Variants in GRIA3 observed in about 807,000 individuals in gnomAD.
GRIA3 encodes the protein glutamate ionotropic receptor AMPA type subunit 3.
A neutral mutation model predicts 63.0 loss-of-function variants in GRIA3; 3 were observed. The observed-to-expected ratio is 0.05, with a 90% CI of 0.02 to 0.12. The LOEUF is 0.12. Ranked by LOEUF, GRIA3 falls within the 10% of genes least tolerant of loss-of-function variation. The probability of loss-of-function intolerance (pLI) is 1.00; values close to 1 mark genes in which losing one functional copy is unlikely to be tolerated. For synonymous variants in GRIA3, 274 were observed against 257.9 expected, an observed-to-expected ratio of 1.06 and a Z score of -0.60; for missense variants, 347 against 700.9, an observed-to-expected ratio of 0.50 and a Z score of 5.70.
At chrX:123,270,292 G>A (rs921473680) in intron 3 of GRIA3, among the ~76,000 whole-genome samples, 13 of 112,350 alleles carry the variant, frequency 1.2e-4, no homozygotes, top group Non-Finnish European at 2.4e-4. Flanking sequence ...TCCACTAGGA[G>A]GGCTATGAAG....
At chrX:123,339,844 C>T (rs1341739182) in intron 4 of GRIA3, among the ~76,000 whole-genome samples, 1 of 112,412 alleles carries the variant, frequency 8.9e-6, no homozygotes, top group East Asian at 2.8e-4. Flanking sequence ...CTGGCCAGAA[C>T]ACAACTTGAC....
intron 13 of GRIA3, among the ~76,000 whole-genome samples, chrX:123,473,792 T>A (rs1438617417): frequency 8.9e-6 from 1 of 112,002 alleles, no homozygotes; most frequent in Non-Finnish European, 1.9e-5. Flanking sequence ...GTCATCCAGA[T>A]AATGTGTTAT....
At chrX:123,437,818 T>C (rs768429961) in intron 12 of GRIA3, among the ~76,000 whole-genome samples, 2 of 111,900 alleles carry the variant, frequency 1.8e-5, no homozygotes, top group Admixed American at 1.9e-4. Flanking sequence ...ATACTAGGAC[T>C]GGTTAAGAAA....
chrX:123,185,198 CG>C (rs1187753079), intron 1 of GRIA3, among the ~76,000 whole-genome samples: 3 of 111,232 alleles, frequency 2.7e-5, no homozygotes, highest in Admixed American at 9.4e-5. Flanking sequence ...GGGTAGGAGG[CG>C]GGGGTGAGAC....
intron 3 of GRIA3, among the ~76,000 whole-genome samples, chrX:123,307,837 C>A (rs186465149): frequency 2.7e-5 from 3 of 111,391 alleles, no homozygotes; most frequent in Non-Finnish European, 5.7e-5. Context: ...GGAAAGGCAA[C>A]GGACAACAGG....
chrX:123,471,961 T>A (rs1245620310), intron 13 of GRIA3, among the ~76,000 whole-genome samples: 1 of 74,710 alleles, frequency 1.3e-5, no homozygotes, highest in African/African-American at 4.9e-5. Context: ...CAAATGTTTT[T>A]CAAAATATAT....
At chrX:123,433,467 T>C (rs765127365) in intron 12 of GRIA3, among the ~76,000 whole-genome samples, 1 of 111,910 alleles carries the variant, frequency 8.9e-6, no homozygotes, top group East Asian at 2.8e-4. Context: ...TAAGAACACA[T>C]TGATATACAA....
chrX:123,409,256 A>T (rs1000818373), intron 10 of GRIA3, among the ~76,000 whole-genome samples: 1 of 112,357 alleles, frequency 8.9e-6, no homozygotes, highest in Non-Finnish European at 1.9e-5. Flanking sequence ...CAGAGTGGAA[A>T]GAATGAAAAA....
intron 3 of GRIA3, among the ~76,000 whole-genome samples, chrX:123,291,858 C>G (rs952865007): frequency 9.0e-6 from 1 of 110,709 alleles, no homozygotes. Flanking sequence ...ATTGGGTAGG[C>G]AACAAACGAT....
At chrX:123,433,771 G>A (rs1453935201) in intron 12 of GRIA3, among the ~76,000 whole-genome samples, 2 of 112,099 alleles carry the variant, frequency 1.8e-5, no homozygotes, top group Admixed American at 1.9e-4. Context: ...ACTTTATTAG[G>A]AGACCACTAA....
chrX:123,196,731 C>T (rs1449745488), intron 2 of GRIA3, among the ~76,000 whole-genome samples: 1 of 112,199 alleles, frequency 8.9e-6, no homozygotes, highest in Non-Finnish European at 1.9e-5. Flanking sequence ...AGCCAATCCA[C>T]ATATGTTGTA....
At chrX:123,190,640 T>C (rs1471305696) in intron 2 of GRIA3, among the ~76,000 whole-genome samples, 1 of 111,624 alleles carries the variant, frequency 9.0e-6, no homozygotes, top group African/African-American at 3.3e-5. Flanking sequence ...AAGGGAATTA[T>C]TTTGTTCTCC....
chrX:123,486,049 G>A (rs1346784572), intron 15 of GRIA3, among the ~76,000 whole-genome samples: 1 of 105,274 alleles, frequency 9.5e-6, no homozygotes, highest in African/African-American at 3.5e-5. Context: ...GATACAGGAA[G>A]AAAGAGGAAG....
At chrX:123,342,714 C>T (rs1293170987) in intron 4 of GRIA3, among the ~76,000 whole-genome samples, 1 of 111,652 alleles carries the variant, frequency 9.0e-6, no homozygotes, top group African/African-American at 3.3e-5. Context: ...GATAGGGAAT[C>T]GAAAATTGGA....
At chrX:123,350,621 C>T (rs2045087992) in intron 4 of GRIA3, among the ~76,000 whole-genome samples, 1 of 112,318 alleles carries the variant, frequency 8.9e-6, no homozygotes, top group African/African-American at 3.2e-5. Flanking sequence ...TTTAACTGCT[C>T]AGTGATACCC....
intron 2 of GRIA3, among the ~76,000 whole-genome samples, chrX:123,224,962 A>G (rs1158944608): frequency 8.9e-6 from 1 of 111,783 alleles, no homozygotes. Flanking sequence ...ATCTCCAGGC[A>G]GAATTAATCG....
At chrX:123,310,732 G>A (rs1406039294) in intron 3 of GRIA3, among the ~76,000 whole-genome samples, 1 of 112,236 alleles carries the variant, frequency 8.9e-6, no homozygotes, top group Non-Finnish European at 1.9e-5. Context: ...ACCAGGCATG[G>A]TGGCTCACAC....
intron 7 of GRIA3, among the ~76,000 whole-genome samples, chrX:123,399,957 G>A (rs1453844140): frequency 1.8e-5 from 2 of 111,627 alleles, no homozygotes; most frequent in East Asian, 5.6e-4. Flanking sequence ...TTTTATGGAG[G>A]TAGCACTGTA....
At chrX:123,360,818 C>T in intron 5 of GRIA3, among the ~76,000 whole-genome samples, 1 of 99,983 alleles carries the variant, frequency 1.0e-5, no homozygotes, top group African/African-American at 3.7e-5. Context: ...TGCTGTCTAA[C>T]CATTTTCCTT....
Sources: allele counts gnomAD v4.1 joint callset (sites outside exome capture counted in the v4.1 genomes callset), GRCh38; gene constraint gnomAD v4.1.1; transcripts MANE v1.5; gene names NCBI Gene and HGNC (gene_info 2026-07-23, HGNC 2026-07-21).